The following FAT1 variants were observed in gnomAD, a reference collection of about 807,000 sequenced individuals.
The protein encoded by FAT1 is FAT atypical cadherin 1, also known as protocadherin Fat 1.
A neutral mutation model predicts 329.8 loss-of-function variants in FAT1; 171 were observed. The observed-to-expected ratio is 0.52, with a 90% CI of 0.46 to 0.59. The LOEUF (loss-of-function observed/expected upper bound fraction) is 0.59. Ranked by LOEUF, FAT1 falls within the 20% of genes least tolerant of loss-of-function variation. The pLI, the probability that FAT1 is intolerant of heterozygous loss-of-function variation, is 0.00. For synonymous variants in FAT1, 2,233 were observed against 2,228.6 expected (o/e 1.00, Z -0.06); for missense variants, 5,672 against 5,774.4 (o/e 0.98, Z 0.57).
intron 4 of FAT1, among the ~76,000 whole-genome samples, chr4:186,638,820 TAACTC>T (rs1740963281): frequency 6.6e-6 from 1 of 152,064 alleles, no homozygotes; most frequent in Non-Finnish European, 1.5e-5. Context: ...AGAGCACTGA[TAACTC>T]AATTAAACAA....
At chr4:186,594,260 G>A (rs1475689273) in intron 26 of FAT1, among the ~76,000 whole-genome samples, 4 of 151,572 alleles carry the variant, frequency 2.6e-5, no homozygotes, top group East Asian at 2.0e-4. Context: ...GTAGAGACGG[G>A]GTTTCACTGC....
rs146520314 is a variant in FAT1 at position 186,720,154 on chromosome 4, A to G, written c.-19+3510T>C. ...AACACCACCTAGTGGTGAAGGCTCT[A>G]AAGTAATGTAACATCTTGACCTCTT... On this transcript the variant is annotated intron_variant, in intron 1 of 26. Coordinates refer to ENST00000441802, the MANE Select transcript of FAT1 (RefSeq NM_005245.4). Among the ~76,000 whole-genome samples the G allele has an allele frequency of 2.8e-4, 43 of 152,370 alleles. 1 individual carries two copies. Among genetic ancestry groups the G allele is most frequent in the African/African-American group, 9.9e-4 (41 of 41,592 alleles).
At chr4:186,711,811 T>G (rs1744969876) in intron 1 of FAT1, among the ~76,000 whole-genome samples, 1 of 152,026 alleles carries the variant, frequency 6.6e-6, no homozygotes, top group African/African-American at 2.4e-5. Context: ...TCTCAGTTAC[T>G]CCAGAGGCTG....
intron 17 of FAT1, among the ~76,000 whole-genome samples, chr4:186,605,280 A>C (rs1739057315): frequency 7.6e-6 from 1 of 131,294 alleles, no homozygotes; most frequent in African/African-American, 2.9e-5. Flanking sequence ...GAGAAAGAGA[A>C]GAGGTTGACA....
chr4:186,706,166 T>C (rs960988593), intron 2 of FAT1, among the ~76,000 whole-genome samples: 4 of 152,148 alleles, frequency 2.6e-5, no homozygotes, highest in Non-Finnish European at 2.9e-5. Flanking sequence ...ATGGTAGCAG[T>C]AGTTGTTCTA....
intron 3 of FAT1, among the ~76,000 whole-genome samples, chr4:186,654,163 T>A (rs1042784638): frequency 1.3e-4 from 20 of 152,196 alleles, no homozygotes; most frequent in African/African-American, 4.8e-4. Context: ...CTCTGACCTC[T>A]GTGAAGTCTT....
intron 1 of FAT1, among the ~76,000 whole-genome samples, chr4:186,723,208 T>G (rs1745538212): frequency 6.6e-6 from 1 of 152,228 alleles, no homozygotes; most frequent in Non-Finnish European, 1.5e-5. Flanking sequence ...GTCCACCGGT[T>G]GCATCTGCAC....
Position 186,621,154 on chromosome 4 carries a change from A to G in FAT1, c.5432T>C (p.Ile1811Thr), listed in dbSNP as rs2126522652. 1.2e-6 allele frequency: 2 copies of G among 1,613,980 alleles called. No individual in the cohort carries two copies. Among genetic ancestry groups the G allele is most frequent in the South Asian group, 1.1e-5 (1 of 91,074 alleles). ...ATATGTGTGTACAGATGGTTCAACA[A>G]TGTGATATACAAGCAAAGCATTTGA... ...KDSNALLVYHIVEPSVHTYFA... is the reference protein window; with the variant it reads ...KDSNALLVYHTVEPSVHTYFA... Residue 1811 changes from isoleucine (I) to threonine (T), a missense_variant, in exon 10 of 27, where the codon ATT becomes ACT. By Grantham distance (89) the Ile-to-Thr change is moderately conservative (BLOSUM62 -1). Around this residue, in one of 2 missense-constraint regions of FAT1, gnomAD observed 3,966 missense variants for 3,915.2 expected, o/e 1.01. Coordinates refer to ENST00000441802, the MANE Select transcript of FAT1 (RefSeq NM_005245.4).
chr4:186,589,014 G>C lies in FAT1; in HGVS notation c.13345C>G (p.Pro4449Ala), dbSNP rs912753879. 6.2e-7 allele frequency: 1 copy of C among 1,613,882 alleles called. No homozygotes were observed. Residue 4449 changes from proline (P) to alanine (A), a missense_variant, in exon 27 of 27, where the codon CCA (proline) becomes GCA (alanine). Coordinates refer to ENST00000441802, the MANE Select transcript of FAT1 (RefSeq NM_005245.4). ...PEDFPAADEL[P>A]PLPPEFSNQF... ...TTGCTGAATTCGGGCGGTAACGGTG[G>C]TAGCTCATCAGCTGCGGGGAAGTCT...
chr4:186,657,591 T>A (rs1035054263), intron 3 of FAT1, among the ~76,000 whole-genome samples: 5 of 152,150 alleles, frequency 3.3e-5, no homozygotes, highest in African/African-American at 1.2e-4. Context: ...GTAAAAGCTA[T>A]GTGAAAGCTT....
In FAT1 at chr4:186,709,197, C is replaced by T. The variant is rs2126702271; in HGVS notation, c.631G>A (p.Asp211Asn). 6.2e-7 allele frequency: 1 copy of T among 1,613,984 alleles called. No homozygotes were observed. Among genetic ancestry groups the T allele is most frequent in the Non-Finnish European group, 8.5e-7 (1 of 1,179,888 alleles). ...TCATAGAGCTTGGTCTCTAGGTAAT[C>T]AAGTCTACCAGTTAACACTATCACA... The part of the protein sequence containing the change: ...SGVIVLTGRL[D>N]YLETKLYEME... The change falls in exon 2 of 27, where the codon GAT becomes AAT. Residue 211 changes from aspartate to asparagine, a missense_variant. By Grantham distance (23) the Asp-to-Asn change is conservative. This residue lies in a region of FAT1 where 3,966 missense variants were observed against 3,915.2 expected (regional missense o/e 1.01). Coordinates refer to ENST00000441802, the MANE Select transcript of FAT1 (RefSeq NM_005245.4).
At chr4:186,643,167 G>A (rs1206186433) in intron 3 of FAT1, among the ~76,000 whole-genome samples, 4 of 152,204 alleles carry the variant, frequency 2.6e-5, no homozygotes, top group African/African-American at 9.6e-5. Context: ...TCCAGGGTAC[G>A]GCAGCCCCCA....
intron 3 of FAT1, among the ~76,000 whole-genome samples, chr4:186,650,610 T>C (rs564746820): frequency 9.2e-5 from 14 of 152,232 alleles, no homozygotes; most frequent in Non-Finnish European, 1.9e-4. Flanking sequence ...AAAACTTACC[T>C]GTGCTCACCC....
In FAT1 at chr4:186,597,045, A is replaced by G. The variant is rs779569229; in HGVS notation, c.12495T>C (p.Ala4165=). 6 of 1,614,022 alleles carry G rather than the reference A, an allele frequency of 3.7e-6. No individual in the cohort carries two copies. The highest frequency in any genetic ancestry group is 1.6e-4 in the Middle Eastern group (1 of 6,062). ...HEYRGRHCED[A]APNQYVSTPW... is the part of the protein sequence containing the mutation. ...GCGTGGACACATACTGGTTGGGCGC[A>G]GCATCCTCGCAGTGACGTCCCCTGT... Residue 4165 remains alanine (A), a synonymous_variant, in exon 25 of 27, where the codon GCT becomes GCC. Transcript: ENST00000441802.
In FAT1 at chr4:186,708,925, C is replaced by A. The variant is rs2126700132; in HGVS notation, c.903G>T (p.Gln301His). ...GAAAGGACCTCACTGTTCTAAACTG[C>A]TGGAGAAGGTCACCTGCCACGATGC... ...SLSIVAGDLLQQFRTVRSFPG... is the reference protein window; with the variant it reads ...SLSIVAGDLLHQFRTVRSFPG... The change falls in exon 2 of 27, where the codon CAG (glutamine) becomes CAT (histidine). Residue 301 changes from glutamine (Q) to histidine (H), a missense_variant. By Grantham distance (24) the Gln-to-His change is conservative. Coordinates refer to ENST00000441802, the MANE Select transcript of FAT1 (RefSeq NM_005245.4). The A allele has an allele frequency of 6.2e-7, 1 of 1,613,996 alleles. No individual in the cohort carries two copies. Among genetic ancestry groups the A allele is most frequent in the Non-Finnish European group, 8.5e-7 (1 of 1,179,886 alleles).
chr4:186,719,288 G>T (rs182881986), intron 1 of FAT1, among the ~76,000 whole-genome samples: 1 of 152,104 alleles, frequency 6.6e-6, no homozygotes, highest in African/African-American at 2.4e-5. Context: ...TAAGTTATAC[G>T]ATTGGCCTTC....
rs2126476588 is a variant in FAT1 at position 186,613,355 on chromosome 4, A to T, written c.9230-13T>A. 4 of 1,593,760 alleles carry T rather than the reference A, an allele frequency of 2.5e-6. 1 individual carries two copies. In the South Asian group the frequency reaches 4.4e-5, roughly 18 times the overall value. On this transcript the variant is annotated splice_polypyrimidine_tract_variant and intron_variant, in intron 12 of 26. Transcript: ENST00000441802. ...GTTTTCAGTTCACCTACAAACAAAA[A>T]CAAATGGACTCACTTGTAATTTAAG... is the stretch of plus-strand genomic sequence containing the variant.
chr4:186,717,971 AC>A (rs1425466608), intron 1 of FAT1, among the ~76,000 whole-genome samples: 1 of 152,150 alleles, frequency 6.6e-6, no homozygotes, highest in African/African-American at 2.4e-5. Context: ...TTCTCCACAA[AC>A]AGAAGTAATT....
At chr4:186,645,631 CTG>C (rs1741337486) in intron 3 of FAT1, among the ~76,000 whole-genome samples, 1 of 151,284 alleles carries the variant, frequency 6.6e-6, no homozygotes, top group African/African-American at 2.4e-5. Flanking sequence ...GGACTGAAGA[CTG>C]TGGTTCTGTA....
Sources: allele counts gnomAD v4.1 joint callset (sites outside exome capture counted in the v4.1 genomes callset), GRCh38; gene constraint gnomAD v4.1.1; regional missense constraint gnomAD v4.1.1; transcripts MANE v1.5; gene names NCBI Gene and HGNC (gene_info 2026-07-23, HGNC 2026-07-21).